The following BNC2 variants were observed in gnomAD, a reference collection of about 807,000 sequenced individuals.
BNC2 encodes the protein basonuclin zinc finger protein 2.
BNC2 carries 20 observed loss-of-function variants against 76.3 expected under a neutral mutation model. The ratio of observed to expected loss-of-function variants is 0.26; its 90% CI spans 0.18 to 0.38. BNC2 has a LOEUF of 0.38. Among genes scored for constraint, BNC2 ranks in the 10% least tolerant of loss-of-function variants. The pLI is 1.00. For synonymous variants in BNC2, 582 were observed against 514.8 expected, an observed-to-expected ratio of 1.13 and a Z score of -1.77; for missense variants, 1,382 against 1,399.8, an observed-to-expected ratio of 0.99 and a Z score of 0.20.
At chr9:16,491,528 T>C (rs927889312) in intron 5 of BNC2, among the ~76,000 whole-genome samples, 2 of 152,326 alleles carry the variant, frequency 1.3e-5, no homozygotes, top group South Asian at 2.1e-4. Flanking sequence ...TCTAGCTATA[T>C]TGGATACCTT....
At chr9:16,870,121 G>A (rs1819641738) in intron 1 of BNC2, among the ~76,000 whole-genome samples, 1 of 152,152 alleles carries the variant, frequency 6.6e-6, no homozygotes, top group Admixed American at 6.5e-5. Flanking sequence ...GAGAGGAAGA[G>A]TCAACGTGCC....
At chr9:16,782,325 T>C (rs947370948) in intron 1 of BNC2, among the ~76,000 whole-genome samples, 15 of 151,828 alleles carry the variant, frequency 9.9e-5, no homozygotes, top group African/African-American at 3.4e-4. Context: ...TAATTTTGTA[T>C]AATTAAATTT....
intron 3 of BNC2, among the ~76,000 whole-genome samples, chr9:16,640,620 T>G (rs897275767): frequency 3.3e-5 from 5 of 152,190 alleles, no homozygotes; most frequent in South Asian, 2.1e-4. Context: ...ATATTCAAGT[T>G]TATGCAAGAA....
At chr9:16,507,340 GC>G (rs925457419) in intron 5 of BNC2, among the ~76,000 whole-genome samples, 3 of 138,152 alleles carry the variant, frequency 2.2e-5, no homozygotes, top group Non-Finnish European at 3.0e-5. Context: ...TCTTGGCTCA[GC>G]CTACGCCTCC....
rs972725409 is a variant in BNC2 at position 16,464,147 on chromosome 9, A to G, written c.670-26623T>C. Among the ~76,000 whole-genome samples the G allele has an allele frequency of 2.0e-5, 3 of 151,398 alleles. No individual in the cohort carries two copies. In the South Asian group the frequency reaches 6.3e-4, roughly 32 times the overall value. On this transcript the variant is annotated intron_variant, in intron 5 of 6. Transcript: ENST00000380672. ...ACAAATATAAATGATTTAAAATGGG[A>G]GGAGCTAGTAGTAGACCCTAATAAT...
intron 5 of BNC2, among the ~76,000 whole-genome samples, chr9:16,440,496 G>C (rs7021318): frequency 0.13 from 19,569 of 152,190 alleles, 3,652 homozygotes; most frequent in African/African-American, 0.41. Flanking sequence ...GCAATGTACA[G>C]TCATATCTTC....
intron 5 of BNC2, among the ~76,000 whole-genome samples, chr9:16,503,528 A>G (rs886756854): frequency 2.6e-5 from 4 of 152,180 alleles, no homozygotes; most frequent in African/African-American, 9.7e-5. Context: ...TTCAGTCAAC[A>G]TCAGGAAATA....
intron 3 of BNC2, among the ~76,000 whole-genome samples, chr9:16,698,709 T>C (rs763453214): frequency 7.3e-5 from 11 of 151,292 alleles, no homozygotes; most frequent in East Asian, 3.9e-4. Context: ...AAAAAAGCCA[T>C]GATGAATACC....
intron 3 of BNC2, among the ~76,000 whole-genome samples, chr9:16,604,905 T>C (rs1393455527): frequency 6.6e-6 from 1 of 152,186 alleles, no homozygotes; most frequent in African/African-American, 2.4e-5. Flanking sequence ...AAGACAAAAA[T>C]ACTTGTGGGT....
chr9:16,506,990 G>C (rs1381703659), intron 5 of BNC2, among the ~76,000 whole-genome samples: 2 of 152,018 alleles, frequency 1.3e-5, no homozygotes, highest in African/African-American at 4.8e-5. Context: ...CCTGACCTCA[G>C]TGATCTGCCC....
chr9:16,615,766 C>A (rs1449897007), intron 3 of BNC2, among the ~76,000 whole-genome samples: 3 of 152,104 alleles, frequency 2.0e-5, no homozygotes, highest in Non-Finnish European at 4.4e-5. Context: ...AGTTAGCAGC[C>A]AAGAACTTAG....
chr9:16,599,389 G>A lies in BNC2; in HGVS notation c.331-16304C>T, dbSNP rs141702201. ...CTGCAAGGCAGAGATGGCTGTGAAC[G>A]GAAGCCTAGGTACAAAAACGTGTCA... On this transcript the variant is annotated intron_variant, in intron 3 of 6. Transcript: ENST00000380672. Among the ~76,000 whole-genome samples the A allele has an allele frequency of 1.5e-3, 234 of 152,272 alleles. 1 individual carries two copies. Among genetic ancestry groups the A allele is most frequent in the African/African-American group, 5.4e-3 (224 of 41,548 alleles).
At chr9:16,478,971 G>A (rs911679805) in intron 5 of BNC2, among the ~76,000 whole-genome samples, 1 of 152,156 alleles carries the variant, frequency 6.6e-6, no homozygotes, top group Non-Finnish European at 1.5e-5. Context: ...GGTGGTTGGG[G>A]CTGGGCACGG....
intron 3 of BNC2, among the ~76,000 whole-genome samples, chr9:16,612,968 A>T (rs1467417708): frequency 2.0e-5 from 3 of 152,172 alleles, no homozygotes; most frequent in Non-Finnish European, 4.4e-5. Flanking sequence ...ACAAGCCAAG[A>T]TGGGGAAAGA....
At chr9:16,475,158 A>T (rs1270283206) in intron 5 of BNC2, among the ~76,000 whole-genome samples, 2 of 152,192 alleles carry the variant, frequency 1.3e-5, no homozygotes, top group Non-Finnish European at 2.9e-5. Context: ...ATTCATGAAG[A>T]TAAGGACACT....
intron 3 of BNC2, among the ~76,000 whole-genome samples, chr9:16,619,616 T>C (rs952019119): frequency 3.9e-5 from 6 of 152,194 alleles, no homozygotes; most frequent in African/African-American, 7.2e-5. Flanking sequence ...AAAGACTCCC[T>C]TTCTCTAAAT....
intron 3 of BNC2, among the ~76,000 whole-genome samples, chr9:16,695,730 T>C (rs1049608097): frequency 6.6e-6 from 1 of 152,056 alleles, no homozygotes; most frequent in African/African-American, 2.4e-5. Context: ...TTCTCAAGTC[T>C]CATCTGTCAC....
chr9:16,822,059 C>G (rs1283995059), intron 1 of BNC2, among the ~76,000 whole-genome samples: 2 of 145,624 alleles, frequency 1.4e-5, no homozygotes, highest in African/African-American at 5.1e-5. Context: ...CGCCACTGCA[C>G]TCCACCCTGG....
intron 1 of BNC2, among the ~76,000 whole-genome samples, chr9:16,755,039 A>G (rs1825339935): frequency 6.6e-6 from 1 of 152,212 alleles, no homozygotes; most frequent in Non-Finnish European, 1.5e-5. Flanking sequence ...CTTATGGGAG[A>G]GCAAAGCATC....
Sources: gnomAD v4.1 joint callset for allele counts (sites outside exome capture counted in the v4.1 genomes callset) on GRCh38, gnomAD v4.1.1 for gene constraint, MANE v1.5 for transcripts, NCBI Gene and HGNC (gene_info 2026-07-23, HGNC 2026-07-21) for gene names.